GATAD2A: variants seen among roughly 807,000 people sequenced by gnomAD.
GATAD2A encodes transcriptional repressor p66-alpha.
Under a neutral mutation model 68.5 loss-of-function variants are expected in GATAD2A, and 12 were observed. The observed-to-expected ratio is 0.18, with a 90% CI of 0.11 to 0.28. The LOEUF is 0.28. Among genes scored for constraint, GATAD2A ranks in the 10% least tolerant of loss-of-function variants. The probability of loss-of-function intolerance (pLI) is 1.00; values close to 1 mark genes in which losing one functional copy is unlikely to be tolerated. For missense variants in GATAD2A, 755 were observed against 868.5 expected, an observed-to-expected ratio of 0.87 and a Z score of 1.64; for synonymous variants, 410 against 375.3, an observed-to-expected ratio of 1.09 and a Z score of -1.07.
chr19:19,465,064 G>T, intron 1 of GATAD2A: 2 of 536,408 alleles, frequency 3.7e-6, no homozygotes, highest in Admixed American at 6.3e-5. Flanking sequence ...TCAGCACCCT[G>T]CTGCCTCTGG....
At chr19:19,435,706 C>T (rs189438314) in intron 1 of GATAD2A, among the ~76,000 whole-genome samples, 17 of 152,194 alleles carry the variant, frequency 1.1e-4, no homozygotes, top group Admixed American at 3.9e-4. Flanking sequence ...AAAAATCAGC[C>T]GGGCATAGTG....
intron 9 of GATAD2A, 31 bp downstream of exon 9, chr19:19,501,447 C>A (rs2060514753): frequency 1.3e-6 from 2 of 1,531,016 alleles, no homozygotes; most frequent in Non-Finnish European, 1.8e-6. Context: ...GCAGTGCCGT[C>A]CCTAGGAGGC....
chr19:19,435,376 A>G (rs1307718096), intron 1 of GATAD2A, among the ~76,000 whole-genome samples: 5 of 152,056 alleles, frequency 3.3e-5, no homozygotes, highest in Non-Finnish European at 2.9e-5. Context: ...GGCACACGCC[A>G]CCACACCTGG....
intron 1 of GATAD2A, among the ~76,000 whole-genome samples, chr19:19,424,469 G>A (rs1387456450): frequency 6.6e-6 from 1 of 151,796 alleles, no homozygotes; most frequent in Admixed American, 6.6e-5. Flanking sequence ...AGATCAAGAG[G>A]TCTGCCCCCC....
intron 1 of GATAD2A, among the ~76,000 whole-genome samples, chr19:19,436,899 A>G (rs1057071412): frequency 1.3e-5 from 2 of 152,242 alleles, no homozygotes; most frequent in Non-Finnish European, 2.9e-5. Flanking sequence ...CAGAGTTGGC[A>G]GGTGACTTGC....
intron 1 of GATAD2A, among the ~76,000 whole-genome samples, chr19:19,392,516 C>T (rs572877323): frequency 1.3e-5 from 2 of 150,712 alleles, no homozygotes; most frequent in East Asian, 3.9e-4. Context: ...CTTAGCCACC[C>T]GAGTAGCTGG....
chr19:19,403,076 A>G (rs899105447), upstream of GATAD2A, among the ~76,000 whole-genome samples: 14 of 136,424 alleles, frequency 1.0e-4, no homozygotes, highest in Non-Finnish European at 2.0e-4. Context: ...CCCTGCCAGC[A>G]CTAAGTATTG....
chr19:19,449,483 G>A (rs1263951057), intron 1 of GATAD2A, among the ~76,000 whole-genome samples: 4 of 151,954 alleles, frequency 2.6e-5, no homozygotes, highest in African/African-American at 4.8e-5. Flanking sequence ...CATGCCACGA[G>A]ACCTGGAAGG....
At chr19:19,471,924 C>G (rs1036750169) in intron 2 of GATAD2A, among the ~76,000 whole-genome samples, 2 of 152,206 alleles carry the variant, frequency 1.3e-5, no homozygotes, top group African/African-American at 2.4e-5. Context: ...TGGAGTTGGT[C>G]TTGCACTGTC....
intron 2 of GATAD2A, among the ~76,000 whole-genome samples, chr19:19,479,831 C>CTTTTTTTT (rs35537344): frequency 5.8e-5 from 5 of 85,578 alleles, no homozygotes; most frequent in African/African-American, 4.8e-5. Flanking sequence ...GTGGCCCACT[C>CTTTTTTTT]TTTTTTTTTT....
intron 2 of GATAD2A, among the ~76,000 whole-genome samples, chr19:19,468,970 A>G (rs910668632): frequency 6.6e-6 from 1 of 152,240 alleles, no homozygotes; most frequent in African/African-American, 2.4e-5. Flanking sequence ...GATAAAATAT[A>G]TGTCATATTA....
chr19:19,422,933 G>C (rs773341739), intron 1 of GATAD2A, among the ~76,000 whole-genome samples: 5 of 151,928 alleles, frequency 3.3e-5, no homozygotes, highest in Non-Finnish European at 7.4e-5. Context: ...GGATGGTCTC[G>C]ATCTCCTGAA....
Position 19,501,259 on chromosome 19 carries a change from A to C in GATAD2A, c.1346A>C (p.Lys449Thr). Residue 449 changes from lysine (K) to threonine (T), a missense_variant, in exon 9 of 12, where the codon AAG becomes ACG. Coordinates refer to ENST00000683918, the MANE Select transcript of GATAD2A (RefSeq NM_001384528.1). ...AACTGCATGACAACCAACCAGAAGA[A>C]GGCGCTCAAGGTGGAGCACACCAGC... is the stretch of plus-strand genomic sequence containing the variant. ...CENCMTTNQK[K>T]ALKVEHTSRL... 2 of 1,613,380 alleles carry C rather than the reference A, an allele frequency of 1.2e-6. No homozygotes were observed. Among genetic ancestry groups the C allele is most frequent in the South Asian group, 1.1e-5 (1 of 91,078 alleles).
chr19:19,414,491 T>C (rs1307937937), intron 1 of GATAD2A, among the ~76,000 whole-genome samples: 1 of 151,954 alleles, frequency 6.6e-6, no homozygotes, highest in Non-Finnish European at 1.5e-5. Flanking sequence ...ACTTTATTTA[T>C]GTAGGTCCAT....
rs2060822569 is a variant in GATAD2A at position 19,505,398 on chromosome 19, C to A, written c.1829C>A (p.Ala610Asp). The change falls in exon 12 of 12, where the codon GCC becomes GAC. Residue 610 changes from alanine (A) to aspartate (D), a missense_variant. Ala to Asp is a moderately radical substitution (Grantham distance 126). Transcript: ENST00000683918. ...PSLAVHKSSS[A>D]VDRQREYLLD... ...CTGGCGGTGCACAAGAGCTCCTCGG[C>A]CGTGGACCGCCAGCGAGAGTACCTC... is the stretch of plus-strand genomic sequence containing the variant. The A allele has an allele frequency of 1.2e-6, 2 of 1,612,536 alleles. No homozygotes were observed. Among genetic ancestry groups the A allele is most frequent in the Non-Finnish European group, 8.5e-7 (1 of 1,179,288 alleles).
intron 1 of GATAD2A, among the ~76,000 whole-genome samples, chr19:19,432,481 A>C (rs1401095757): frequency 6.6e-6 from 1 of 151,930 alleles, no homozygotes; most frequent in Non-Finnish European, 1.5e-5. Flanking sequence ...TTGTATTTTT[A>C]GTAGAGACGA....
intron 1 of GATAD2A, among the ~76,000 whole-genome samples, chr19:19,416,981 C>G (rs887802412): frequency 6.6e-6 from 1 of 152,046 alleles, no homozygotes; most frequent in Non-Finnish European, 1.5e-5. Flanking sequence ...AGGCTGGTCT[C>G]GAACTTCTGA....
rs540958459 is a variant in GATAD2A, at chr19:19,483,781, ATTTT to A, written c.270-8508_270-8505del. On this transcript the variant is annotated intron_variant, in intron 2 of 11. Transcript: ENST00000683918. ...AGGTGCCCGCCACCATACCCGGCTA[ATTTT>A]TTTTTTTTTTTTTTTTGTATTTTTA... Among the ~76,000 whole-genome samples, 22 of 130,000 alleles carry A rather than the reference ATTTT, an allele frequency of 1.7e-4. No individual in the cohort carries two copies. In the South Asian group the frequency reaches 4.2e-3, roughly 25 times the overall value. The allele number at this position is 130,000 out of a possible 152,430, so 85.3% of individuals were successfully genotyped here.
intron 1 of GATAD2A, among the ~76,000 whole-genome samples, chr19:19,440,986 T>TTTCCTTCCC (rs368587567): frequency 0.034 from 2,524 of 73,570 alleles, 67 homozygotes; most frequent in African/African-American, 0.04. Flanking sequence ...CTTTCCTTCC[T>TTTCCTTCCC]TTCCTTCCCT....
Sources: gnomAD v4.1 joint callset for allele counts (sites outside exome capture counted in the v4.1 genomes callset) on GRCh38, gnomAD v4.1.1 for gene constraint, MANE v1.5 for transcripts, NCBI Gene and HGNC (gene_info 2026-07-23, HGNC 2026-07-21) for gene names.